The following VCF1 variants were observed in gnomAD, a reference collection of about 807,000 sequenced individuals.
VCF1 encodes protein VCF1.
the VCF1 span, among the ~76,000 whole-genome samples, chr17:73,229,825 A>G: frequency 0.53 from 72,288 of 135,520 alleles, 18,731 homozygotes; most frequent in East Asian, 0.6. Flanking sequence ...CCGAGATCGC[A>G]CCACTGCACT....
chr17:73,210,421 G>C, the VCF1 span, among the ~76,000 whole-genome samples: 57 of 151,228 alleles, frequency 3.8e-4, no homozygotes, highest in African/African-American at 1.4e-3. Flanking sequence ...AACATGACTT[G>C]GTGTTTTAGT....
the VCF1 span, among the ~76,000 whole-genome samples, chr17:73,218,104 A>T: frequency 6.6e-6 from 1 of 152,240 alleles, no homozygotes; most frequent in Non-Finnish European, 1.5e-5. Context: ...CCCATAGTAT[A>T]TACTCCATCT....
the VCF1 span, among the ~76,000 whole-genome samples, chr17:73,221,851 T>C: frequency 0.029 from 4,365 of 151,910 alleles, 82 homozygotes; most frequent in Non-Finnish European, 0.044. Flanking sequence ...CTGGCCAACA[T>C]GGTGAAACCC....
the VCF1 span, chr17:73,227,725 T>C: frequency 1.1e-6 from 1 of 914,718 alleles, no homozygotes; most frequent in Non-Finnish European, 1.3e-6. Context: ...AAAGTACCTC[T>C]TGGTCACATT....
the VCF1 span, among the ~76,000 whole-genome samples, chr17:73,210,259 C>G: frequency 4.6e-5 from 7 of 152,132 alleles, no homozygotes; most frequent in African/African-American, 1.7e-4. Flanking sequence ...TTGTGATCAT[C>G]ATAGACACAA....
At chr17:73,220,894 A>ATTTTT in the VCF1 span, among the ~76,000 whole-genome samples, 9 of 96,660 alleles carry the variant, frequency 9.3e-5, no homozygotes, top group South Asian at 3.5e-4. Flanking sequence ...TTTAATTTAG[A>ATTTTT]TTTTTTTTTT....
the VCF1 span, chr17:73,209,058 C>T: frequency 1.5e-5 from 3 of 197,840 alleles, no homozygotes; most frequent in South Asian, 1.7e-4. Context: ...AATTTCAGTG[C>T]AAGACTGAAT....
At chr17:73,213,797 G>A in the VCF1 span, among the ~76,000 whole-genome samples, 1,467 of 151,994 alleles carry the variant, frequency 9.7e-3, 23 homozygotes, top group South Asian at 0.048. Flanking sequence ...TGGCGAAACC[G>A]CGTCTCTACT....
At chr17:73,227,980 G>A in the VCF1 span, among the ~76,000 whole-genome samples, 2 of 152,248 alleles carry the variant, frequency 1.3e-5, no homozygotes, top group East Asian at 3.9e-4. Context: ...AATTAAAGGA[G>A]GTATAATTTT....
the VCF1 span, among the ~76,000 whole-genome samples, chr17:73,220,060 A>G: frequency 5.3e-5 from 8 of 152,252 alleles, no homozygotes; most frequent in South Asian, 1.7e-3. Context: ...TAACAGTTTC[A>G]CTGAAAAGAG....
chr17:73,208,897 T>C, the VCF1 span: 240,378 of 278,648 alleles, frequency 0.86, 105,272 homozygotes, highest in Non-Finnish European at 0.93. Flanking sequence ...AGACATTCTC[T>C]CTGGAAATAC....
At chr17:73,211,320 A>G in the VCF1 span, among the ~76,000 whole-genome samples, 1 of 152,106 alleles carries the variant, frequency 6.6e-6, no homozygotes, top group Admixed American at 6.6e-5. Flanking sequence ...TCCATTAAAA[A>G]TACAAAAAAA....
the VCF1 span, chr17:73,208,422 C>T: frequency 2.5e-6 from 4 of 1,614,124 alleles, no homozygotes; most frequent in African/African-American, 4.0e-5. Flanking sequence ...ATTATTCAAA[C>T]TTGGCTGGCT....
chr17:73,221,893 G>C, the VCF1 span, among the ~76,000 whole-genome samples: 1 of 152,034 alleles, frequency 6.6e-6, no homozygotes, highest in African/African-American at 2.4e-5. Context: ...AATTAGCTGG[G>C]CGTGGTGGCG....
At chr17:73,217,912 C>T in the VCF1 span, among the ~76,000 whole-genome samples, 2 of 152,118 alleles carry the variant, frequency 1.3e-5, no homozygotes, top group Admixed American at 6.5e-5. Flanking sequence ...GCAGAGGTTG[C>T]AGTGAGCTGA....
the VCF1 span, among the ~76,000 whole-genome samples, chr17:73,211,604 G>A: frequency 2.0e-5 from 3 of 149,314 alleles, no homozygotes; most frequent in African/African-American, 7.4e-5. Flanking sequence ...GCTCATGCCT[G>A]TAATCCCAGC....
chr17:73,221,845 C>G, the VCF1 span, among the ~76,000 whole-genome samples: 26 of 152,082 alleles, frequency 1.7e-4, no homozygotes, highest in East Asian at 5.0e-3. Flanking sequence ...ACCATTCTGG[C>G]CAACATGGTG....
At chr17:73,222,995 T>C in the VCF1 span, among the ~76,000 whole-genome samples, 4 of 151,826 alleles carry the variant, frequency 2.6e-5, no homozygotes, top group African/African-American at 9.7e-5. Flanking sequence ...TGTGCCAAGT[T>C]TTCCATCTGA....
the VCF1 span, among the ~76,000 whole-genome samples, chr17:73,222,547 G>A: frequency 8.3e-4 from 127 of 152,228 alleles, no homozygotes; most frequent in African/African-American, 2.9e-3. Flanking sequence ...GAAGGCCAAG[G>A]CGGATGGATC....
Sources: allele counts gnomAD v4.1 joint callset (sites outside exome capture counted in the v4.1 genomes callset), GRCh38; gene constraint gnomAD v4.1.1; transcripts MANE v1.5; gene names NCBI Gene and HGNC (gene_info 2026-07-23, HGNC 2026-07-21).